NAV3: variants seen among roughly 807,000 people sequenced by gnomAD.
The protein encoded by NAV3 is pore membrane and/or filament interacting like protein 1.
Under a neutral mutation model 244.7 loss-of-function variants are expected in NAV3, and 87 were observed. The observed-to-expected ratio is 0.36, with a 90% CI of 0.30 to 0.42. The LOEUF (loss-of-function observed/expected upper bound fraction) is 0.42. NAV3 is among the 20% of genes least tolerant of loss of function. The pLI, the probability that NAV3 is intolerant of heterozygous loss-of-function variation, is 1.00. For missense variants in NAV3, 2,663 were observed against 2,893.3 expected (o/e 0.92, Z 1.83); for synonymous variants, 1,126 against 1,042.2 (o/e 1.08, Z -1.55).
intron 1 of NAV3, among the ~76,000 whole-genome samples, chr12:77,859,698 T>C (rs1878938052): frequency 7.6e-6 from 1 of 130,930 alleles, no homozygotes; most frequent in South Asian, 2.3e-4. Context: ...ATGTAATACA[T>C]GCATAGGAAT....
At chr12:77,603,279 T>G (rs184272982) in intron 2 of NAV3, among the ~76,000 whole-genome samples, 1 of 152,158 alleles carries the variant, frequency 6.6e-6, no homozygotes, top group Non-Finnish European at 1.5e-5. Context: ...GCAAATAAGG[T>G]AATAACTAAG....
intron 1 of NAV3, among the ~76,000 whole-genome samples, chr12:77,833,432 A>G (rs1874063607): frequency 6.6e-6 from 1 of 152,156 alleles, no homozygotes; most frequent in Non-Finnish European, 1.5e-5. Flanking sequence ...TGTCCCCCTC[A>G]CAGGGCATGT....
chr12:77,918,613 G>A (rs1434999784), intron 1 of NAV3, among the ~76,000 whole-genome samples: 4 of 148,958 alleles, frequency 2.7e-5, no homozygotes, highest in African/African-American at 7.3e-5. Flanking sequence ...GTTTGTGGCC[G>A]GCTGCCCATC....
At chr12:78,162,301 T>C (rs1957577320) in intron 23 of NAV3, among the ~76,000 whole-genome samples, 1 of 152,082 alleles carries the variant, frequency 6.6e-6, no homozygotes, top group African/African-American at 2.4e-5. Context: ...TTCCCCAAGT[T>C]ATAAGTTTCA....
chr12:78,186,042 G>A (rs191844778), intron 31 of NAV3, among the ~76,000 whole-genome samples: 7 of 151,844 alleles, frequency 4.6e-5, no homozygotes, highest in Admixed American at 2.6e-4. Context: ...ATGTGCAGTC[G>A]CTAGAGCTGT....
intron 1 of NAV3, among the ~76,000 whole-genome samples, chr12:77,869,183 A>T (rs1880565409): frequency 6.6e-6 from 1 of 152,104 alleles, no homozygotes; most frequent in African/African-American, 2.4e-5. Flanking sequence ...TCTTAGATTT[A>T]CCTCTTAGCC....
intron 2 of NAV3, among the ~76,000 whole-genome samples, chr12:77,650,747 GC>G (rs1278462681): frequency 6.6e-6 from 1 of 152,034 alleles, no homozygotes; most frequent in Non-Finnish European, 1.5e-5. Flanking sequence ...GATATCAGTT[GC>G]ATGTAAACAT....
At chr12:78,016,306 T>C (rs1490044601) in intron 8 of NAV3, among the ~76,000 whole-genome samples, 1 of 152,126 alleles carries the variant, frequency 6.6e-6, no homozygotes, top group Non-Finnish European at 1.5e-5. Context: ...ATATTATATA[T>C]ATGCCTTATT....
chr12:77,733,524 G>A (rs1877209531), intron 2 of NAV3, among the ~76,000 whole-genome samples: 1 of 152,002 alleles, frequency 6.6e-6, no homozygotes, highest in Non-Finnish European at 1.5e-5. Context: ...AATTGGAAAT[G>A]GTTGCAACCA....
rs148127742 is a variant in NAV3 at position 78,089,939 on chromosome 12, G to A, written c.2637-26833G>A. Among the ~76,000 whole-genome samples, 602 of 152,084 alleles carry A rather than the reference G, an allele frequency of 4.0e-3. 3 individuals carry two copies. Among genetic ancestry groups the A allele is most frequent in the African/African-American group, 0.014 (574 of 41,512 alleles). ...CCCTTCAGAATCTACTCAGAATTAC[G>A]TACCTCTCAAATTTGGATTTAAGCT... On this transcript the variant is annotated intron_variant, in intron 12 of 39. Transcript: ENST00000397909.
intron 3 of NAV3, among the ~76,000 whole-genome samples, chr12:77,945,383 G>A (rs901125228): frequency 3.9e-5 from 6 of 151,922 alleles, no homozygotes; most frequent in African/African-American, 9.7e-5. Flanking sequence ...GTGAAGATAC[G>A]GATACTTGAA....
intron 3 of NAV3, among the ~76,000 whole-genome samples, chr12:77,946,735 TA>T (rs1383438481): frequency 3.9e-5 from 6 of 152,092 alleles, no homozygotes; most frequent in Non-Finnish European, 8.8e-5. Flanking sequence ...CCCAGCAAAT[TA>T]AAAATAGCAA....
intron 24 of NAV3, among the ~76,000 whole-genome samples, chr12:78,171,753 C>T (rs866949908): frequency 2.0e-5 from 3 of 151,396 alleles, no homozygotes; most frequent in South Asian, 2.1e-4. Flanking sequence ...CTGGAAATCA[C>T]ATTGAAATTC....
chr12:78,050,166 C>G, intron 10 of NAV3, 65 bp downstream of exon 10: 1 of 1,135,614 alleles, frequency 8.8e-7, no homozygotes, highest in Non-Finnish European at 1.3e-6. Context: ...AAACATTTAA[C>G]TTTTCTTATA....
chr12:77,970,360 G>C (rs1386505186), intron 5 of NAV3, among the ~76,000 whole-genome samples: 2 of 152,038 alleles, frequency 1.3e-5, no homozygotes, highest in African/African-American at 4.8e-5. Flanking sequence ...CCCACTTACT[G>C]TCAGTTGTTC....
At chr12:77,666,991 A>G (rs1350609278) in intron 2 of NAV3, among the ~76,000 whole-genome samples, 1 of 152,212 alleles carries the variant, frequency 6.6e-6, no homozygotes, top group African/African-American at 2.4e-5. Context: ...GAGTGTGTGT[A>G]TGTGTATACT....
At chr12:77,940,974 A>G in intron 2 of NAV3, 107 bp from the exon 3 acceptor site, 6 of 731,714 alleles carry the variant, frequency 8.2e-6, no homozygotes, top group Non-Finnish European at 1.4e-5. Flanking sequence ...TAGCAGGAGC[A>G]TTTTTGCTTG....
intron 2 of NAV3, among the ~76,000 whole-genome samples, chr12:77,661,828 C>G (rs1406156524): frequency 6.6e-6 from 1 of 151,832 alleles, no homozygotes; most frequent in African/African-American, 2.4e-5. Flanking sequence ...TGCCTTGCAC[C>G]TTTATAAAAA....
At chr12:78,049,970 A>C in intron 9 of NAV3, 23 bp from the exon 10 acceptor site, 1 of 1,555,556 alleles carries the variant, frequency 6.4e-7, no homozygotes, top group Non-Finnish European at 8.8e-7. Flanking sequence ...ATGAATAGCA[A>C]ATTTATCATA....
Sources: gnomAD v4.1 joint callset for allele counts (sites outside exome capture counted in the v4.1 genomes callset) on GRCh38, gnomAD v4.1.1 for gene constraint, MANE v1.5 for transcripts, NCBI Gene and HGNC (gene_info 2026-07-23, HGNC 2026-07-21) for gene names.